Variants in ITGBL1 observed in about 807,000 individuals in gnomAD.
The protein encoded by ITGBL1 is integrin subunit beta like 1.
ITGBL1 carries 51 observed loss-of-function variants against 68.5 expected under a neutral mutation model. The ratio of observed to expected loss-of-function variants is 0.74; its 90% CI spans 0.59 to 0.94. The LOEUF is 0.94. Among genes scored for constraint, ITGBL1 ranks in the 40% least tolerant of loss-of-function variants. The pLI is 0.00. For synonymous variants in ITGBL1, 209 were observed against 227.3 expected, an observed-to-expected ratio of 0.92 and a Z score of 0.72; for missense variants, 649 against 647.4, an observed-to-expected ratio of 1.00 and a Z score of -0.03.
intron 8 of ITGBL1, among the ~76,000 whole-genome samples, chr13:101,697,759 C>A (rs189559531): frequency 2.6e-5 from 4 of 152,094 alleles, no homozygotes; most frequent in African/African-American, 9.7e-5. Context: ...GACATAAAGA[C>A]GGAAATGTGC....
At chr13:101,471,995 T>G (rs2048467958) in intron 2 of ITGBL1, among the ~76,000 whole-genome samples, 1 of 132,770 alleles carries the variant, frequency 7.5e-6, no homozygotes, top group East Asian at 2.0e-4. Context: ...TTATTTTTAT[T>G]TTAAGTATAA....
At chr13:101,529,106 A>G (rs1022068743) in intron 2 of ITGBL1, among the ~76,000 whole-genome samples, 3 of 152,034 alleles carry the variant, frequency 2.0e-5, no homozygotes, top group African/African-American at 7.2e-5. Context: ...TCAAAAGAAC[A>G]AATAAACACA....
chr13:101,473,311 G>A (rs377300799), intron 2 of ITGBL1, among the ~76,000 whole-genome samples: 1 of 152,326 alleles, frequency 6.6e-6, no homozygotes, highest in Admixed American at 6.5e-5. Context: ...GCCGGCAGCA[G>A]CCATGTAGTG....
intron 7 of ITGBL1, among the ~76,000 whole-genome samples, chr13:101,656,948 CT>C (rs1361547891): frequency 5.6e-5 from 8 of 143,484 alleles, no homozygotes; most frequent in African/African-American, 1.3e-4. Context: ...ATTTTTTTTT[CT>C]TTTTTTCTTT....
chr13:101,637,300 A>G (rs1010889213), intron 7 of ITGBL1, among the ~76,000 whole-genome samples: 1 of 151,834 alleles, frequency 6.6e-6, no homozygotes, highest in Admixed American at 6.6e-5. Context: ...TTGAAGTTAA[A>G]TCGGTGCTGG....
At chr13:101,521,437 C>G in intron 2 of ITGBL1, among the ~76,000 whole-genome samples, 1 of 152,048 alleles carries the variant, frequency 6.6e-6, no homozygotes. Flanking sequence ...CGATGAGAAG[C>G]AATTTTAAAT....
chr13:101,478,603 C>T (rs1405077761), intron 2 of ITGBL1, among the ~76,000 whole-genome samples: 1 of 151,984 alleles, frequency 6.6e-6, no homozygotes, highest in East Asian at 1.9e-4. Flanking sequence ...CACCAAAAAA[C>T]TATTAGAACT....
intron 7 of ITGBL1, among the ~76,000 whole-genome samples, chr13:101,621,495 CT>C (rs898837235): frequency 5.9e-5 from 9 of 152,020 alleles, no homozygotes; most frequent in African/African-American, 1.9e-4. Flanking sequence ...TAGAGCCCTT[CT>C]TTTTTTTCTC....
At chr13:101,648,705 A>G (rs1012319815) in intron 7 of ITGBL1, among the ~76,000 whole-genome samples, 1 of 152,218 alleles carries the variant, frequency 6.6e-6, no homozygotes, top group Non-Finnish European at 1.5e-5. Flanking sequence ...ATAAGAAAAA[A>G]TTAGTTGTAC....
intron 2 of ITGBL1, among the ~76,000 whole-genome samples, chr13:101,558,207 A>G (rs1262839178): frequency 6.6e-6 from 1 of 151,718 alleles, no homozygotes; most frequent in Non-Finnish European, 1.5e-5. Context: ...AAGATTTCTG[A>G]TACAGCAGAA....
rs146605583 is a variant in ITGBL1, at chr13:101,592,830, A to G, written c.869-5323A>G. On this transcript the variant is annotated intron_variant, in intron 6 of 10. Transcript: ENST00000376180. ...AACCCAAAGCTACAAAATTACTAGA[A>G]GAAAACATAGGATAGTACTTTACTG... Among the ~76,000 whole-genome samples the G allele has an allele frequency of 2.7e-4, 41 of 152,234 alleles. No homozygotes were observed. In the East Asian group the frequency reaches 7.1e-3, roughly 26 times the overall value.
intron 7 of ITGBL1, among the ~76,000 whole-genome samples, chr13:101,625,607 C>G (rs367670120): frequency 3.9e-4 from 59 of 151,664 alleles, no homozygotes; most frequent in African/African-American, 1.4e-3. Flanking sequence ...GGCTGGAGTA[C>G]AATTGCACGA....
At chr13:101,656,000 C>T (rs576295879) in intron 7 of ITGBL1, among the ~76,000 whole-genome samples, 1 of 152,088 alleles carries the variant, frequency 6.6e-6, no homozygotes, top group Non-Finnish European at 1.5e-5. Context: ...CAATCAAATA[C>T]ATTTAAGAAA....
intron 2 of ITGBL1, among the ~76,000 whole-genome samples, chr13:101,528,149 TAG>T (rs1429901659): frequency 6.6e-6 from 1 of 151,464 alleles, no homozygotes; most frequent in Non-Finnish European, 1.5e-5. Context: ...AAAATATATA[TAG>T]GTTTATTAAT....
At chr13:101,616,682 G>A (rs574319734) in intron 7 of ITGBL1, among the ~76,000 whole-genome samples, 2 of 152,016 alleles carry the variant, frequency 1.3e-5, no homozygotes, top group Non-Finnish European at 2.9e-5. Flanking sequence ...GTAGAGATGG[G>A]GTTTCACCAC....
chr13:101,454,357 T>C (rs2048209798), intron 2 of ITGBL1, among the ~76,000 whole-genome samples: 1 of 151,444 alleles, frequency 6.6e-6, no homozygotes, highest in Non-Finnish European at 1.5e-5. Flanking sequence ...ATTGTAATTA[T>C]GATTTTTTAA....
At chr13:101,678,874 C>T (rs1566787671) in intron 7 of ITGBL1, among the ~76,000 whole-genome samples, 1 of 151,888 alleles carries the variant, frequency 6.6e-6, no homozygotes, top group Non-Finnish European at 1.5e-5. Context: ...CTACTCCTTT[C>T]TCCTCCCCAA....
intron 2 of ITGBL1, among the ~76,000 whole-genome samples, chr13:101,494,235 GCTTA>G (rs1316790021): frequency 2.6e-5 from 4 of 152,072 alleles, no homozygotes; most frequent in East Asian, 1.9e-4. Context: ...CAATTATGCG[GCTTA>G]CTTAAAGTCT....
At chr13:101,600,822 T>C (rs1225379557) in intron 7 of ITGBL1, among the ~76,000 whole-genome samples, 13 of 152,130 alleles carry the variant, frequency 8.5e-5, no homozygotes, top group Non-Finnish European at 5.9e-5. Context: ...TTTTGATGTG[T>C]TGCTGGTTTC....
Sources: allele counts gnomAD v4.1 joint callset (sites outside exome capture counted in the v4.1 genomes callset), GRCh38; gene constraint gnomAD v4.1.1; transcripts MANE v1.5; gene names NCBI Gene and HGNC (gene_info 2026-07-23, HGNC 2026-07-21).